SLC35F3: variants seen among roughly 807,000 people sequenced by gnomAD.
SLC35F3 encodes solute carrier family 35 member F3.
SLC35F3 carries 25 observed loss-of-function variants against 49.9 expected under a neutral mutation model. The ratio of observed to expected loss-of-function variants is 0.50; its 90% CI spans 0.37 to 0.70. The LOEUF (loss-of-function observed/expected upper bound fraction) is 0.70, where lower values mean the gene tolerates loss of function less well. SLC35F3 is among the 30% of genes least tolerant of loss of function. The pLI, the probability that SLC35F3 is intolerant of heterozygous loss-of-function variation, is 0.00. For synonymous variants in SLC35F3, 275 were observed against 265.4 expected (o/e 1.04, Z -0.35); for missense variants, 525 against 639.8 (o/e 0.82, Z 1.94).
At chr1:234,123,644 C>G (rs1269547888) in intron 2 of SLC35F3, among the ~76,000 whole-genome samples, 1 of 151,502 alleles carries the variant, frequency 6.6e-6, no homozygotes, top group African/African-American at 2.4e-5. Flanking sequence ...TCTTGAACTC[C>G]TGGGCTCAAG....
At chr1:234,263,076 T>C (rs920219825) in intron 3 of SLC35F3, among the ~76,000 whole-genome samples, 1 of 152,020 alleles carries the variant, frequency 6.6e-6, no homozygotes, top group African/African-American at 2.4e-5. Flanking sequence ...ACAAGACTGC[T>C]GGTGAAAAAA....
At chr1:234,190,482 T>C (rs2102928709) in intron 2 of SLC35F3, among the ~76,000 whole-genome samples, 1 of 152,322 alleles carries the variant, frequency 6.6e-6, no homozygotes, top group South Asian at 2.1e-4. Context: ...AGAGGGACAT[T>C]ATATAATGAT....
At chr1:234,090,260 A>C (rs1346008812) in intron 2 of SLC35F3, among the ~76,000 whole-genome samples, 3 of 152,274 alleles carry the variant, frequency 2.0e-5, no homozygotes, top group Non-Finnish European at 2.9e-5. Context: ...AGCACAGCAA[A>C]GAGACAAACC....
At chr1:233,991,114 G>A (rs1166630654) in intron 2 of SLC35F3, among the ~76,000 whole-genome samples, 2 of 152,224 alleles carry the variant, frequency 1.3e-5, no homozygotes, top group African/African-American at 2.4e-5. Context: ...AGTGGTGTCA[G>A]TAACTGTGCC....
In SLC35F3 at chr1:233,934,923, A is replaced by G. The variant is rs1662299882; in HGVS notation, c.283+29165A>G. Reference sequence around the variant, plus strand: ...TTACATACATTCTAATCAGTGTATCATGTGAAAAATGGGATCTTATCATGC... The same window carrying G: ...TTACATACATTCTAATCAGTGTATCGTGTGAAAAATGGGATCTTATCATGC... On this transcript the variant is annotated intron_variant, in intron 2 of 7. Transcript: ENST00000366618. Among the ~76,000 whole-genome samples, 4 of 151,588 alleles carry G rather than the reference A, an allele frequency of 2.6e-5. No homozygotes were observed. In the South Asian group the frequency reaches 8.3e-4, roughly 32 times the overall value.
At chr1:233,917,086 A>G (rs1389869960) in intron 2 of SLC35F3, among the ~76,000 whole-genome samples, 1 of 152,214 alleles carries the variant, frequency 6.6e-6, no homozygotes, top group Non-Finnish European at 1.5e-5. Flanking sequence ...CTAGAAAATA[A>G]CATAGTGGGA....
At chr1:234,112,876 A>G (rs1665430167) in intron 2 of SLC35F3, among the ~76,000 whole-genome samples, 1 of 151,338 alleles carries the variant, frequency 6.6e-6, no homozygotes, top group South Asian at 2.1e-4. Flanking sequence ...TGCCCGGCCT[A>G]TAATTCACAT....
chr1:233,920,572 C>G (rs532314073), intron 2 of SLC35F3, among the ~76,000 whole-genome samples: 3 of 152,320 alleles, frequency 2.0e-5, no homozygotes, highest in South Asian at 2.1e-4. Flanking sequence ...CCAGGTACCC[C>G]CTCTGGTGTT....
intron 2 of SLC35F3, among the ~76,000 whole-genome samples, chr1:233,939,998 G>T (rs1170893737): frequency 6.6e-6 from 1 of 151,954 alleles, no homozygotes; most frequent in East Asian, 1.9e-4. Flanking sequence ...AATTACTCCT[G>T]CTCAGTTTTC....
chr1:233,975,568 C>A (rs549903020), intron 2 of SLC35F3, among the ~76,000 whole-genome samples: 216 of 152,306 alleles, frequency 1.4e-3, no homozygotes, highest in African/African-American at 4.9e-3. Context: ...GCCGTCCTTG[C>A]CGACTGTTAG....
At chr1:234,079,965 A>G (rs191905949) in intron 2 of SLC35F3, among the ~76,000 whole-genome samples, 1 of 152,284 alleles carries the variant, frequency 6.6e-6, no homozygotes, top group African/African-American at 2.4e-5. Context: ...GTGAGACAGC[A>G]TCTTTTGTTA....
At chr1:234,259,989 T>C (rs1438190876) in intron 3 of SLC35F3, among the ~76,000 whole-genome samples, 1 of 152,182 alleles carries the variant, frequency 6.6e-6, no homozygotes, top group Admixed American at 6.5e-5. Context: ...TTTTCTGAGC[T>C]ACTCCTGAAC....
chr1:234,076,320 G>A (rs1045490392), intron 2 of SLC35F3, among the ~76,000 whole-genome samples: 2 of 100,652 alleles, frequency 2.0e-5, no homozygotes, highest in Non-Finnish European at 5.0e-5. Flanking sequence ...GGTAGTAGCT[G>A]GGTGTGGTGG....
In SLC35F3 at chr1:234,306,155, G is replaced by GT. The variant is rs954874209; in HGVS notation, c.609-2939dup. Reference sequence around the variant, plus strand: ...GCCAGATCCTGAGATATTGTGCTGGGTTTTTTTGTTTGTTTGTTTTTTGAG... The same window carrying GT: ...GCCAGATCCTGAGATATTGTGCTGGGTTTTTTTTGTTTGTTTGTTTTTTGAG... On this transcript the variant is annotated intron_variant, in intron 3 of 7. Transcript: ENST00000366618. Among the ~76,000 whole-genome samples, 283 of 152,208 alleles carry GT rather than the reference G, an allele frequency of 1.9e-3. 1 individual carries two copies. Among genetic ancestry groups the GT allele is most frequent in the African/African-American group, 6.7e-3 (279 of 41,538 alleles).
chr1:234,052,693 T>A (rs556744636), intron 2 of SLC35F3, among the ~76,000 whole-genome samples: 1 of 152,330 alleles, frequency 6.6e-6, no homozygotes, highest in Admixed American at 6.5e-5. Flanking sequence ...TTTAATGTGT[T>A]TGCTCTTGCT....
At chr1:234,237,962 C>T (rs776423552) in intron 3 of SLC35F3, among the ~76,000 whole-genome samples, 1 of 152,202 alleles carries the variant, frequency 6.6e-6, no homozygotes, top group Non-Finnish European at 1.5e-5. Context: ...CCTTGGCCCC[C>T]CAAAGTGCTG....
chr1:234,224,664 A>T (rs978116466), intron 2 of SLC35F3, among the ~76,000 whole-genome samples: 3 of 152,242 alleles, frequency 2.0e-5, no homozygotes, highest in African/African-American at 7.2e-5. Context: ...GAATGAGTAC[A>T]TTCTGTATTC....
intron 2 of SLC35F3, among the ~76,000 whole-genome samples, chr1:234,055,080 A>G (rs959340334): frequency 1.6e-4 from 25 of 151,968 alleles, no homozygotes; most frequent in Admixed American, 1.6e-3. Context: ...CAGTTAGACT[A>G]CTCGGGGGTC....
chr1:234,280,246 C>T (rs2102980406), intron 3 of SLC35F3, among the ~76,000 whole-genome samples: 1 of 152,356 alleles, frequency 6.6e-6, no homozygotes, highest in East Asian at 1.9e-4. Flanking sequence ...ACGAGGGGGC[C>T]TACCAAATCA....
Sources: allele counts gnomAD v4.1 joint callset (sites outside exome capture counted in the v4.1 genomes callset), GRCh38; gene constraint gnomAD v4.1.1; transcripts MANE v1.5; gene names NCBI Gene and HGNC (gene_info 2026-07-23, HGNC 2026-07-21).